The following MROH2A variants were observed in gnomAD, a reference collection of about 807,000 sequenced individuals.
MROH2A encodes the protein maestro heat like repeat family member 2A.
MROH2A carries 174 observed loss-of-function variants against 200.4 expected under a neutral mutation model. That is an observed-to-expected ratio of 0.87 (90% CI 0.77 to 0.98). The LOEUF (loss-of-function observed/expected upper bound fraction) is 0.98, where lower values mean the gene tolerates loss of function less well. Ranked by LOEUF, MROH2A falls within the 50% of genes least tolerant of loss-of-function variation. MROH2A has a pLI of 0.00. For missense variants in MROH2A, 2,045 were observed against 2,139.6 expected, an observed-to-expected ratio of 0.96 and a Z score of 0.87; for synonymous variants, 829 against 840.4, an observed-to-expected ratio of 0.99 and a Z score of 0.23.
upstream of MROH2A, among the ~76,000 whole-genome samples, chr2:233,777,926 G>A (rs1401260885): frequency 1.3e-5 from 2 of 152,150 alleles, no homozygotes; most frequent in Non-Finnish European, 2.9e-5. Flanking sequence ...TATTGTGCTA[G>A]TGGAAATCCA....
chr2:233,820,735 A>G lies in MROH2A; in HGVS notation c.3512+679A>G, dbSNP rs1219262756. Among the ~76,000 whole-genome samples the G allele has an allele frequency of 6.6e-6, 1 of 152,202 alleles. No homozygotes were observed. The highest frequency in any genetic ancestry group is 1.5e-5 in the Non-Finnish European group (1 of 68,030). On this transcript the variant is annotated intron_variant, in intron 31 of 41. Transcript: ENST00000389758. The surrounding 1 kb of genome is among the most constrained non-coding windows in gnomAD (Gnocchi z 4.1). ...AGAGCAGTGGAGCCTGTGCTGGTGCAGGGACGTGAGGAGATGTCAGGCTAA... is the reference window on the plus strand; with the variant it reads ...AGAGCAGTGGAGCCTGTGCTGGTGCGGGGACGTGAGGAGATGTCAGGCTAA...
rs1052469387 is a variant in MROH2A, at chr2:233,829,478, G to A, written c.4447-142G>A. 3.7e-6 allele frequency: 3 copies of A among 817,610 alleles called. No homozygotes were observed. The African/African-American group carries it at 5.4e-5, about 15-fold the overall frequency. The allele number at this position is 817,610 out of a possible 1,614,324, so 50.6% of individuals were successfully genotyped here. ...GCCCCTTGAGGGCTACGTGATCCCT[G>A]CCAAAGGAGAGACTACACCCTGACG... On this transcript the variant is annotated intron_variant, in intron 37 of 41. Transcript: ENST00000389758.
chr2:233,828,896 C>T lies in MROH2A; in HGVS notation c.4270C>T (p.Gln1424Ter), dbSNP rs1357058851. Residue 1424 changes from glutamine (Q) to a stop codon, truncating the protein, a stop_gained, in exon 37 of 42, where the codon CAG (glutamine) becomes TAG (stop). Transcript: ENST00000389758. LOFTEE classifies it high-confidence loss of function. This position sits in a 1 kb window ranked among gnomAD's most constrained non-coding sequence, Gnocchi z 4.6. ...GCTGCCCATGCCCCTCCAGGTGAAG[C>T]AGTACCGGAAGGTCTTGCTGGAGAA... The part of the protein sequence containing the change: ...MALGAPKKVK[Q>*]YRKVLLEKCL... 1 of 1,550,442 alleles carries T rather than the reference C, an allele frequency of 6.4e-7. No individual in the cohort carries two copies. The highest frequency in any genetic ancestry group is 1.2e-5 in the South Asian group (1 of 84,060).
At chr2:233,804,713 A>G (rs1702681748) in intron 18 of MROH2A, among the ~76,000 whole-genome samples, 166 bp downstream of exon 18, 1 of 152,156 alleles carries the variant, frequency 6.6e-6, no homozygotes, top group African/African-American at 2.4e-5. Context: ...AGCTGTGTCC[A>G]TCCCCAGGGG....
At chr2:233,805,236 G>A (rs879211820) in intron 19 of MROH2A, 125 bp downstream of exon 19, 3 of 617,372 alleles carry the variant, frequency 4.9e-6, no homozygotes, top group South Asian at 4.3e-5. Flanking sequence ...GTCCTGGGAG[G>A]AGAGGAGCGT....
chr2:233,793,581 G>A (rs17863808), intron 6 of MROH2A, 92 bp from the exon 7 acceptor site: 85,533 of 1,234,484 alleles, frequency 0.069, 3,206 homozygotes, highest in East Asian at 0.13. Context: ...GGCAAGGCAT[G>A]AGCACTTCCA....
At chr2:233,813,232 G>A (rs1229340419) in intron 24 of MROH2A, among the ~76,000 whole-genome samples, 2 of 152,032 alleles carry the variant, frequency 1.3e-5, no homozygotes, top group African/African-American at 4.8e-5. Context: ...GTCTTGGCTG[G>A]GGCCATAGAA....
At chr2:233,829,553 A>G in intron 37 of MROH2A, 67 bp from the exon 38 acceptor site, 2 of 1,338,368 alleles carry the variant, frequency 1.5e-6, no homozygotes, top group Non-Finnish European at 1.9e-6. Flanking sequence ...TATTCCTTGG[A>G]GAATGGCTGG....
intron 40 of MROH2A, 85 bp from the exon 41 acceptor site, chr2:233,832,494 A>G: frequency 1.7e-6 from 2 of 1,156,542 alleles, no homozygotes; most frequent in Non-Finnish European, 2.5e-6. Flanking sequence ...CAATGCTCTC[A>G]TAACGTAAAG....
At position 233,794,343 on chromosome 2, in the gene MROH2A, G is replaced by C. The variant is rs570836780; in HGVS notation, c.823-20G>C. 16 of 1,535,544 alleles carry C rather than the reference G, an allele frequency of 1.0e-5. No homozygotes were observed. In the South Asian group the frequency reaches 1.9e-4, roughly 18 times the overall value. On this transcript the variant is annotated intron_variant, in intron 7 of 41. Transcript: ENST00000389758. ...GAGGGTGGTGAGACAATGCGTCCCA[G>C]AGCTGGTTTCTGGTGGCAGGTGAAG...
intron 14 of MROH2A, 94 bp downstream of exon 14, chr2:233,800,409 G>C: frequency 2.7e-6 from 2 of 754,252 alleles, no homozygotes; most frequent in Non-Finnish European, 4.3e-6. Flanking sequence ...TGCTTCTTCC[G>C]TTCCTGCTGT....
rs1704806293 is a variant in MROH2A at position 233,832,164 on chromosome 2, TTAC to T, written c.4735-11_4735-9del. The T allele has an allele frequency of 6.5e-7, 1 of 1,548,160 alleles. No individual in the cohort carries two copies. The highest frequency in any genetic ancestry group is 1.4e-5 in the African/African-American group (1 of 73,018). Reference sequence around the variant, plus strand: ...CATCCTCCAAAGCTGTGTGTATCACTTACTTTTTGCAGACTCGGAAAAAGCCGG... The same window carrying T: ...CATCCTCCAAAGCTGTGTGTATCACTTTTTTGCAGACTCGGAAAAAGCCGG... On this transcript the variant is annotated splice_polypyrimidine_tract_variant and intron_variant, in intron 39 of 41. Transcript: ENST00000389758.
intron 24 of MROH2A, among the ~76,000 whole-genome samples, chr2:233,812,548 A>G (rs549632988): frequency 6.6e-6 from 1 of 152,376 alleles, no homozygotes; most frequent in East Asian, 1.9e-4. Context: ...GCTGCATCAA[A>G]CAGGCAGATT....
Position 233,796,025 on chromosome 2 carries a change from T to C in MROH2A, c.1118T>C (p.Val373Ala). The change falls in exon 10 of 42, where the codon GTG becomes GCG. Residue 373 changes from valine (V) to alanine (A), a missense_variant. Transcript: ENST00000389758. ...QYSSQNLMEMVHCFVALARSY... is the reference protein window; with the variant it reads ...QYSSQNLMEMAHCFVALARSY... ...AGCAGCCAGAATCTGATGGAGATGG[T>C]GCACTGCTTCGTAGCCCTTGGTGAG... The C allele has an allele frequency of 6.4e-7, 1 of 1,550,564 alleles. No individual in the cohort carries two copies. The highest frequency in any genetic ancestry group is 8.7e-7 in the Non-Finnish European group (1 of 1,146,952).
At chr2:233,809,729 A>C (rs1703031652) in intron 22 of MROH2A, among the ~76,000 whole-genome samples, 1 of 152,118 alleles carries the variant, frequency 6.6e-6, no homozygotes, top group Non-Finnish European at 1.5e-5. Context: ...ATTTTTTAAA[A>C]CTATGGCAAA....
rs1042264337 is a variant in MROH2A at position 233,820,027 on chromosome 2, G to A, written c.3483G>A (p.Ser1161=). ...ACCACCAGGAGACCATCCTCACATC[G>A]CTCCTGAGGCAGCCACTGCCCATGG... The part of the protein sequence containing the change: ...AHHHQETILT[S]LLRQPLPMES... The change falls in exon 31 of 42, where the codon TCG becomes TCA. Residue 1161 remains serine, a synonymous_variant. Transcript: ENST00000389758. This position sits in a 1 kb window ranked among gnomAD's most constrained non-coding sequence, Gnocchi z 4.1. 7.1e-6 allele frequency: 11 copies of A among 1,539,070 alleles called. No individual in the cohort carries two copies. The highest frequency in any genetic ancestry group is 1.7e-4 in the Middle Eastern group (1 of 5,804).
Position 233,807,599 on chromosome 2 carries a change from A to G in MROH2A, c.2172+57A>G, listed in dbSNP as rs1358951919. ...CAGATGCCTCTGGACCCTCGGGGAC[A>G]TGTGTGTTCATGTGGCTGCATGCGT... On this transcript the variant is annotated intron_variant, in intron 20 of 41. Coordinates refer to ENST00000389758, the MANE Select transcript of MROH2A (RefSeq NM_001394639.1). The surrounding 1 kb of genome is among the most constrained non-coding windows in gnomAD (Gnocchi z 4.3). 1.3e-6 allele frequency: 2 copies of G among 1,544,830 alleles called. No homozygotes were observed. Among genetic ancestry groups the G allele is most frequent in the African/African-American group, 2.7e-5 (2 of 72,936 alleles).
Position 233,820,204 on chromosome 2 carries a change from G to A in MROH2A, c.3512+148G>A, listed in dbSNP as rs1703844760. On this transcript the variant is annotated intron_variant, in intron 31 of 41. Coordinates refer to ENST00000389758, the MANE Select transcript of MROH2A (RefSeq NM_001394639.1). The surrounding 1 kb of genome is among the most constrained non-coding windows in gnomAD (Gnocchi z 4.1). ...TCGAAGCCCTCTTCCTGTACCTCCT[G>A]CAGGAGGTGCCAGCCTCCGACGAGC... 1 of 655,112 alleles carries A rather than the reference G, an allele frequency of 1.5e-6. No individual in the cohort carries two copies. The highest frequency in any genetic ancestry group is 1.9e-5 in the African/African-American group (1 of 53,676). The allele number at this position is 655,112 out of a possible 1,614,324, so 40.6% of individuals were successfully genotyped here.
intron 11 of MROH2A, among the ~76,000 whole-genome samples, chr2:233,798,324 A>G (rs546324866): frequency 1.1e-4 from 17 of 152,342 alleles, no homozygotes; most frequent in Admixed American, 8.5e-4. Flanking sequence ...ACTGAGGCGC[A>G]GAGGGGCTAC....
Sources: allele counts gnomAD v4.1 joint callset (sites outside exome capture counted in the v4.1 genomes callset), GRCh38; gene constraint gnomAD v4.1.1; non-coding constraint Gnocchi (gnomAD v3.1); transcripts MANE v1.5; gene names NCBI Gene and HGNC (gene_info 2026-07-23, HGNC 2026-07-21).